Variants in SDHA observed in about 807,000 individuals in gnomAD.
The protein encoded by SDHA is succinate dehydrogenase complex flavoprotein subunit A.
A neutral mutation model predicts 78.4 loss-of-function variants in SDHA; 48 were observed. That is an observed-to-expected ratio of 0.61 (90% confidence interval 0.49 to 0.78). SDHA has a LOEUF of 0.78. SDHA is among the 30% of genes least tolerant of loss of function. SDHA has a pLI of 0.00. For synonymous variants in SDHA, 326 were observed against 353.9 expected, an observed-to-expected ratio of 0.92 and a Z score of 0.88; for missense variants, 680 against 892.7, an observed-to-expected ratio of 0.76 and a Z score of 3.04.
intron 11 of SDHA, among the ~76,000 whole-genome samples, chr5:240,936 AG>A: frequency 6.6e-6 from 1 of 151,960 alleles, no homozygotes; most frequent in African/African-American, 2.4e-5. Flanking sequence ...ATGGGCACTT[AG>A]GTTGATTCCA....
chr5:233,220 G>A (rs1162228532), intron 7 of SDHA, among the ~76,000 whole-genome samples: 3 of 152,194 alleles, frequency 2.0e-5, no homozygotes, highest in Admixed American at 1.3e-4. Context: ...GTATTGGCCA[G>A]AGGTCTGTGG....
At chr5:227,623 C>T (rs182494960) in intron 5 of SDHA, 81 of 180,008 alleles carry the variant, frequency 4.5e-4, no homozygotes, top group Non-Finnish European at 7.6e-4. Flanking sequence ...GCGACTTGTG[C>T]TGGCTGAGGG....
At chr5:246,011 G>C (rs567983855) in intron 11 of SDHA, among the ~76,000 whole-genome samples, 25 of 152,320 alleles carry the variant, frequency 1.6e-4, no homozygotes, top group African/African-American at 6.0e-4. Flanking sequence ...CTAGCCCTCA[G>C]CAATTAACAA....
intron 3 of SDHA, 85 bp downstream of exon 3, chr5:224,606 C>T: frequency 7.0e-7 from 1 of 1,420,558 alleles, no homozygotes; most frequent in Non-Finnish European, 9.9e-7. Context: ...CCCCCTGCCT[C>T]CTCCCCCTGC....
intron 9 of SDHA, 53 bp from the exon 10 acceptor site, chr5:236,375 C>T (rs2126588963): frequency 1.3e-6 from 2 of 1,564,012 alleles, no homozygotes; most frequent in Non-Finnish European, 1.8e-6. Flanking sequence ...GGAAGGTGGG[C>T]TGGTGGAGGC....
chr5:220,188 A>G, intron 1 of SDHA: 1 of 374,820 alleles, frequency 2.7e-6, no homozygotes, highest in Non-Finnish European at 5.5e-6. Context: ...ACTGCTTTCA[A>G]GTGACGAACT....
intron 11 of SDHA, among the ~76,000 whole-genome samples, chr5:245,300 C>T (rs998726568): frequency 1.3e-5 from 2 of 152,124 alleles, no homozygotes; most frequent in Non-Finnish European, 2.9e-5. Flanking sequence ...GCTATGATTC[C>T]AAAAAATTGG....
intron 6 of SDHA, among the ~76,000 whole-genome samples, chr5:230,246 G>GA (rs1258349239): frequency 3.3e-5 from 5 of 151,828 alleles, no homozygotes; most frequent in African/African-American, 7.3e-5. Flanking sequence ...ATCTGGGGGA[G>GA]AAAAAAATCC....
At chr5:266,672 AGAG>A in the SDHA span, among the ~76,000 whole-genome samples, 10 of 152,222 alleles carry the variant, frequency 6.6e-5, no homozygotes, top group Admixed American at 3.9e-4. Flanking sequence ...TATTGCCCAG[AGAG>A]GAGATGTGGA....
intron 9 of SDHA, 110 bp downstream of exon 9, chr5:235,449 G>T (rs569599608): frequency 1.2e-4 from 131 of 1,077,432 alleles, no homozygotes; most frequent in Non-Finnish European, 1.7e-4. Flanking sequence ...TTTCCTTCAA[G>T]AAAGTACTGT....
In SDHA at chr5:256,371, T is replaced by C. The variant is rs899598021; in HGVS notation, c.1946T>C (p.Leu649Ser). Residue 649 changes from leucine to serine, a missense_variant, in exon 15 of 15, where the codon TTG becomes TCG. Physicochemically the swap from Leu to Ser is moderately radical, Grantham distance 145 (BLOSUM62 -2). Coordinates refer to ENST00000264932, the MANE Select transcript of SDHA (RefSeq NM_004168.4). ...LEYRPVIDKT[L>S]NEADCATVPP... The stretch of plus-strand genomic sequence containing the variant: ...TATAGACCCGTGATCGACAAAACTT[T>C]GAACGAGGCTGACTGTGCCACCGTC... 1.1e-5 allele frequency: 17 copies of C among 1,611,576 alleles called. No homozygotes were observed. The highest frequency in any genetic ancestry group is 1.4e-5 in the Non-Finnish European group (17 of 1,179,538).
At chr5:227,919 T>G in intron 5 of SDHA, 1 of 451,742 alleles carries the variant, frequency 2.2e-6, no homozygotes, top group East Asian at 4.5e-5. Context: ...GTGGAGTGCC[T>G]CTTCGGGTTG....
At chr5:264,308 GATTGTC>G in the SDHA span, among the ~76,000 whole-genome samples, 1 of 152,206 alleles carries the variant, frequency 6.6e-6, no homozygotes, top group African/African-American at 2.4e-5. Context: ...AAATTCCTTG[GATTGTC>G]TTCTGCAGGT....
chr5:243,313 C>T (rs1173646677), intron 11 of SDHA, among the ~76,000 whole-genome samples: 13 of 151,972 alleles, frequency 8.6e-5, no homozygotes, highest in Admixed American at 6.6e-4. Flanking sequence ...TGTTTCCAGT[C>T]GGATGATTCC....
chr5:262,914 C>A, the SDHA span, among the ~76,000 whole-genome samples: 1 of 152,074 alleles, frequency 6.6e-6, no homozygotes, highest in African/African-American at 2.4e-5. Flanking sequence ...TAAGAAAAAC[C>A]TTTTGTTTTT....
At chr5:247,300 CTTTA>C (rs1385430439) in intron 11 of SDHA, among the ~76,000 whole-genome samples, 1 of 152,168 alleles carries the variant, frequency 6.6e-6, no homozygotes. Context: ...CAACTGATGA[CTTTA>C]TTTATGCAAT....
At chr5:243,243 C>T (rs888157233) in intron 11 of SDHA, among the ~76,000 whole-genome samples, 5 of 152,158 alleles carry the variant, frequency 3.3e-5, no homozygotes, top group Admixed American at 6.5e-5. Context: ...AGTTTAAACA[C>T]GCTATCAATC....
downstream of SDHA, among the ~76,000 whole-genome samples, chr5:260,841 T>C (rs1479361579): frequency 8.1e-5 from 1 of 12,374 alleles, no homozygotes; most frequent in East Asian, 6.4e-4. Flanking sequence ...GAGCTCCGCC[T>C]CCCGCCAGAG....
intron 14 of SDHA, among the ~76,000 whole-genome samples, chr5:255,781 G>C (rs1737146695): frequency 6.8e-6 from 1 of 147,628 alleles, no homozygotes; most frequent in African/African-American, 2.7e-5. Flanking sequence ...AGTACAAAGA[G>C]ATTGAAATAA....
Sources: gnomAD v4.1 joint callset for allele counts (sites outside exome capture counted in the v4.1 genomes callset) on GRCh38, gnomAD v4.1.1 for gene constraint, MANE v1.5 for transcripts, NCBI Gene and HGNC (gene_info 2026-07-23, HGNC 2026-07-21) for gene names.